The following GALNT13 variants were observed in gnomAD, a reference collection of about 807,000 sequenced individuals.
GALNT13 encodes the protein polypeptide N-acetylgalactosaminyltransferase 13, also known as UDP-GalNAc:polypeptide N-acetylgalactosaminyltransferase 13.
GALNT13 carries 28 observed loss-of-function variants against 64.2 expected under a neutral mutation model. The observed-to-expected ratio is 0.44, with a 90% CI of 0.32 to 0.60. The LOEUF is 0.60. GALNT13 is among the 20% of genes least tolerant of loss of function. The probability of loss-of-function intolerance (pLI) is 0.05; values close to 1 mark genes in which losing one functional copy is unlikely to be tolerated. For synonymous variants in GALNT13, 214 were observed against 224.6 expected, an observed-to-expected ratio of 0.95 and a Z score of 0.42; for missense variants, 577 against 669.8, an observed-to-expected ratio of 0.86 and a Z score of 1.53.
the GALNT13 span, among the ~76,000 whole-genome samples, chr2:153,258,001 G>A: frequency 6.6e-6 from 1 of 152,068 alleles, no homozygotes; most frequent in African/African-American, 2.4e-5. Context: ...AACAGGCCCA[G>A]GAGCCCCAAA....
At chr2:154,162,179 A>C (rs1684771560) in intron 4 of GALNT13, among the ~76,000 whole-genome samples, 1 of 152,228 alleles carries the variant, frequency 6.6e-6, no homozygotes, top group East Asian at 1.9e-4. Flanking sequence ...TGAGAAACAG[A>C]ATGTCATTAC....
the GALNT13 span, among the ~76,000 whole-genome samples, chr2:153,096,126 G>A: frequency 6.6e-6 from 1 of 151,866 alleles, no homozygotes; most frequent in African/African-American, 2.4e-5. Context: ...TTGACCCATT[G>A]GTCTTTCAGA....
the GALNT13 span, among the ~76,000 whole-genome samples, chr2:153,717,598 T>A: frequency 1.3e-4 from 20 of 152,232 alleles, no homozygotes; most frequent in Non-Finnish European, 2.2e-4. Flanking sequence ...CAAATTGCGT[T>A]CTTGTATTTT....
the GALNT13 span, among the ~76,000 whole-genome samples, chr2:153,751,543 T>C: frequency 2.6e-5 from 4 of 151,878 alleles, no homozygotes; most frequent in African/African-American, 9.7e-5. Context: ...AAAATTGTTA[T>C]ATATTTTTGC....
the GALNT13 span, among the ~76,000 whole-genome samples, chr2:153,836,657 C>T: frequency 7.3e-6 from 1 of 137,768 alleles, no homozygotes; most frequent in East Asian, 2.5e-4. Context: ...ATCCCTCCCC[C>T]TCCCCCCTCC....
At chr2:154,184,560 A>G (rs1329856666) in intron 4 of GALNT13, among the ~76,000 whole-genome samples, 1 of 151,280 alleles carries the variant, frequency 6.6e-6, no homozygotes, top group Non-Finnish European at 1.5e-5. Flanking sequence ...CCTCTTTGTG[A>G]TTATCATGTG....
intron 4 of GALNT13, among the ~76,000 whole-genome samples, chr2:154,187,220 G>A (rs1573836530): frequency 6.6e-6 from 1 of 151,936 alleles, no homozygotes; most frequent in East Asian, 1.9e-4. Context: ...TGATTTTACT[G>A]TATTTTAAAT....
intron 8 of GALNT13, among the ~76,000 whole-genome samples, chr2:154,275,486 A>G (rs933833744): frequency 2.6e-5 from 4 of 152,226 alleles, no homozygotes; most frequent in Admixed American, 6.5e-5. Context: ...GCAAGCCCCA[A>G]GCCTTGGCAA....
the GALNT13 span, among the ~76,000 whole-genome samples, chr2:153,579,094 T>A: frequency 6.6e-6 from 1 of 152,174 alleles, no homozygotes; most frequent in African/African-American, 2.4e-5. Flanking sequence ...CCCAGAAATT[T>A]AGCTCATCCA....
intron 4 of GALNT13, among the ~76,000 whole-genome samples, chr2:154,231,427 C>G (rs926028379): frequency 2.0e-5 from 3 of 151,952 alleles, no homozygotes; most frequent in African/African-American, 7.3e-5. Flanking sequence ...TGATGTTGCT[C>G]TTATAGATGG....
At chr2:153,880,051 C>T (rs1482050793) in intron 1 of GALNT13, among the ~76,000 whole-genome samples, 3 of 152,072 alleles carry the variant, frequency 2.0e-5, no homozygotes, top group Non-Finnish European at 4.4e-5. Flanking sequence ...ACCATATATA[C>T]TTCAAATACG....
At chr2:153,985,791 G>T (rs1359574373) in intron 3 of GALNT13, among the ~76,000 whole-genome samples, 1 of 151,904 alleles carries the variant, frequency 6.6e-6, no homozygotes, top group Admixed American at 6.6e-5. Flanking sequence ...AGGCCTATTT[G>T]CCTGATGAAT....
the GALNT13 span, among the ~76,000 whole-genome samples, chr2:153,138,668 T>A: frequency 6.6e-6 from 1 of 152,088 alleles, no homozygotes; most frequent in Non-Finnish European, 1.5e-5. Flanking sequence ...ATCATCTAGA[T>A]TTTAAATGTT....
At chr2:153,998,360 T>C (rs113693391) in intron 3 of GALNT13, among the ~76,000 whole-genome samples, 31,052 of 152,130 alleles carry the variant, frequency 0.2, 4,083 homozygotes, top group Middle Eastern at 0.33. Flanking sequence ...TGGTATCTTA[T>C]TGTGGTTTTG....
At chr2:153,224,689 G>C in the GALNT13 span, among the ~76,000 whole-genome samples, 1 of 152,102 alleles carries the variant, frequency 6.6e-6, no homozygotes, top group Non-Finnish European at 1.5e-5. Context: ...TTCTGCAGAC[G>C]TTTAAAGGAT....
the GALNT13 span, among the ~76,000 whole-genome samples, chr2:153,217,508 T>C: frequency 6.6e-5 from 10 of 152,218 alleles, no homozygotes; most frequent in South Asian, 2.1e-3. Context: ...TGCTGTTTTA[T>C]TTTATTTATT....
At chr2:154,440,241 C>T (rs535758849) in intron 12 of GALNT13, among the ~76,000 whole-genome samples, 4 of 152,146 alleles carry the variant, frequency 2.6e-5, no homozygotes, top group South Asian at 4.2e-4. Flanking sequence ...GGGGAATGAT[C>T]GTGTACATTT....
intron 12 of GALNT13, 82 bp downstream of exon 12, chr2:154,438,808 C>A: frequency 8.5e-7 from 1 of 1,173,352 alleles, no homozygotes; most frequent in Non-Finnish European, 1.2e-6. Context: ...AAATCTTAAG[C>A]TGGTTTTTAT....
intron 1 of GALNT13, among the ~76,000 whole-genome samples, chr2:153,896,739 C>T (rs1687920194): frequency 6.6e-6 from 1 of 152,078 alleles, no homozygotes; most frequent in African/African-American, 2.4e-5. Context: ...TTCTTCCTAC[C>T]TTTCAGCTTC....
Sources: allele counts gnomAD v4.1 joint callset (sites outside exome capture counted in the v4.1 genomes callset), GRCh38; gene constraint gnomAD v4.1.1; transcripts MANE v1.5; gene names NCBI Gene and HGNC (gene_info 2026-07-23, HGNC 2026-07-21).